Variants in CENPL observed in about 807,000 individuals in gnomAD.
CENPL encodes the protein interphase centromere complex protein 33.
CENPL carries 20 observed loss-of-function variants against 35.2 expected under a neutral mutation model. The ratio of observed to expected loss-of-function variants is 0.57; its 90% CI spans 0.40 to 0.83. The LOEUF (loss-of-function observed/expected upper bound fraction) is 0.83. CENPL is among the 40% of genes least tolerant of loss of function. The probability of loss-of-function intolerance (pLI) is 0.00; values close to 1 mark genes in which losing one functional copy is unlikely to be tolerated. For missense variants in CENPL, 363 were observed against 395.8 expected (o/e 0.92, Z 0.70); for synonymous variants, 140 against 140.6 (o/e 1.00, Z 0.03).
chr1:173,805,986 G>A (rs138181896), intron 4 of CENPL, among the ~76,000 whole-genome samples: 180 of 152,312 alleles, frequency 1.2e-3, no homozygotes, highest in African/African-American at 4.1e-3. Flanking sequence ...TAAAGGGCCA[G>A]TTAGTAAGCA....
chr1:173,823,845 C>T (rs892217918), intron 2 of CENPL, 81 bp downstream of exon 2: 2 of 152,110 alleles, frequency 1.3e-5, no homozygotes, highest in African/African-American at 4.8e-5. Flanking sequence ...CCTCAACACG[C>T]AAGTATTGTA....
rs1195069833 is a variant in CENPL at position 173,803,505 on chromosome 1, T to G, written c.421A>C (p.Ile141Leu). 2 of 1,555,046 alleles carry G rather than the reference T, an allele frequency of 1.3e-6. No individual in the cohort carries two copies. The highest frequency in any genetic ancestry group is 1.7e-6 in the Non-Finnish European group (2 of 1,149,722). The change falls in exon 5 of 6, where the codon ATT (isoleucine) becomes CTT (leucine). Residue 141 changes from isoleucine (I) to leucine (L), a missense_variant and splice_region_variant. Ile to Leu is a conservative substitution (Grantham distance 5). Transcript: ENST00000682279. ...GATGGCAATTGAGATTTTGACACAA[T>G]CTACAAAGAAAGTAAACAGGCTCCT... Reference protein sequence around the residue: ...QRDPEAFLVQIVSKSQLPSEN... With the variant: ...QRDPEAFLVQLVSKSQLPSEN...
At position 173,803,281 on chromosome 1, in the gene CENPL, T is replaced by C. The variant is rs951500727; in HGVS notation, c.645A>G (p.Ala215=). 2.5e-6 allele frequency: 4 copies of C among 1,613,568 alleles called. No individual in the cohort carries two copies. In the African/African-American group the frequency reaches 5.3e-5, roughly 21 times the overall value. The part of the protein sequence containing the change: ...DCYFSPLAIN[A]FNLSWMAAMW... The stretch of plus-strand genomic sequence containing the variant: ...TGGCAGCCATCCAGGAAAGATTAAA[T>C]GCATTGATTGCTAAAGGACTGAAAT... The change falls in exon 5 of 6, where the codon GCA becomes GCG. Residue 215 remains alanine, a synonymous_variant. Transcript: ENST00000682279.
intron 2 of CENPL, among the ~76,000 whole-genome samples, chr1:173,815,943 G>A (rs1354847524): frequency 6.6e-6 from 1 of 152,176 alleles, no homozygotes; most frequent in Non-Finnish European, 1.5e-5. Context: ...AAACCCCATT[G>A]TCTCAGCCCA....
intron 4 of CENPL, 82 bp downstream of exon 4, chr1:173,807,184 TG>T (rs1650309792): frequency 7.9e-7 from 1 of 1,268,946 alleles, no homozygotes; most frequent in African/African-American, 1.5e-5. Context: ...TTTTTTAAGT[TG>T]ATTATATCTA....
intron 2 of CENPL, among the ~76,000 whole-genome samples, chr1:173,811,967 T>C (rs985212971): frequency 1.1e-4 from 16 of 152,192 alleles, no homozygotes; most frequent in African/African-American, 3.6e-4. Flanking sequence ...CACCCAAATA[T>C]TGCACTTTTC....
intron 4 of CENPL, among the ~76,000 whole-genome samples, chr1:173,804,415 C>G (rs969283025): frequency 6.6e-6 from 1 of 152,238 alleles, no homozygotes; most frequent in African/African-American, 2.4e-5. Context: ...TCTCACTATT[C>G]TAGTCACTCT....
chr1:173,811,882 C>A (rs193056827), intron 2 of CENPL, among the ~76,000 whole-genome samples: 1 of 152,242 alleles, frequency 6.6e-6, no homozygotes, highest in Non-Finnish European at 1.5e-5. Flanking sequence ...CTGGGAAGCG[C>A]AAGGGGTCCA....
In CENPL at chr1:173,803,478, C is replaced by A; in HGVS notation, c.448G>T (p.Glu150Ter). Residue 150 changes from glutamate (E) to a stop codon, truncating the protein, a stop_gained, in exon 5 of 6, where the codon GAG becomes TAG. Coordinates refer to ENST00000682279, the MANE Select transcript of CENPL (RefSeq NM_001387287.1). LOFTEE classifies it high-confidence loss of function. ...QIVSKSQLPS[E>*]NREGKVLWTG... ...CACAGCACTTTACCTTCTCTATTCT[C>A]AGATGGCAATTGAGATTTTGACACA... 2 of 1,580,066 alleles carry A rather than the reference C, an allele frequency of 1.3e-6. No individual in the cohort carries two copies. The highest frequency in any genetic ancestry group is 1.7e-6 in the Non-Finnish European group (2 of 1,160,330).
intron 5 of CENPL, among the ~76,000 whole-genome samples, chr1:173,801,548 T>C (rs1649751499): frequency 1.4e-5 from 2 of 146,280 alleles, no homozygotes; most frequent in South Asian, 2.2e-4. Context: ...TAGCCAGGCA[T>C]GGTGGCTCAT....
chr1:173,811,715 G>C (rs1291361937), intron 2 of CENPL, among the ~76,000 whole-genome samples: 1 of 152,196 alleles, frequency 6.6e-6, no homozygotes, highest in Non-Finnish European at 1.5e-5. Context: ...GGCTGAATAG[G>C]AACAGCTCCG....
intron 4 of CENPL, among the ~76,000 whole-genome samples, chr1:173,805,688 T>G (rs1310792490): frequency 6.6e-6 from 1 of 152,154 alleles, no homozygotes; most frequent in Non-Finnish European, 1.5e-5. Flanking sequence ...TGCCTGGAAC[T>G]TGAATATAAT....
intron 2 of CENPL, chr1:173,821,678 T>A (rs1651957534): frequency 6.6e-6 from 1 of 152,052 alleles, no homozygotes; most frequent in Non-Finnish European, 1.5e-5. Context: ...AGCACAATAA[T>A]CCAGAGGTTA....
chr1:173,809,087 T>C (rs1220084442), intron 3 of CENPL, among the ~76,000 whole-genome samples: 2 of 152,140 alleles, frequency 1.3e-5, no homozygotes, highest in Non-Finnish European at 2.9e-5. Flanking sequence ...ACACCTGTAA[T>C]CCCAACACTT....
intron 5 of CENPL, among the ~76,000 whole-genome samples, chr1:173,800,908 A>G (rs1462730599): frequency 6.6e-6 from 1 of 152,144 alleles, no homozygotes; most frequent in Non-Finnish European, 1.5e-5. Flanking sequence ...AGTGAGCTAT[A>G]ATCACACTAC....
In CENPL at chr1:173,811,192, C is replaced by T. The variant is rs1293697151; in HGVS notation, c.108G>A (p.Lys36=). 1 of 1,614,102 alleles carries T rather than the reference C, an allele frequency of 6.2e-7. No individual in the cohort carries two copies. The highest frequency in any genetic ancestry group is 8.5e-7 in the Non-Finnish European group (1 of 1,179,970). The change falls in exon 3 of 6, where the codon AAG becomes AAA. Residue 36 remains lysine (K), a synonymous_variant. Coordinates refer to ENST00000682279, the MANE Select transcript of CENPL (RefSeq NM_001387287.1). The part of the protein sequence containing the change: ...PLQKRLESVR[K]QSSFILTPPR... ...GTGGAGTCAGGATAAATGAACTCTG[C>T]TTCCTGACCGATTCTAATCGTTTCT...
At chr1:173,802,902 T>A in intron 5 of CENPL, 61 bp downstream of exon 5, 1 of 1,089,136 alleles carries the variant, frequency 9.2e-7, no homozygotes, top group Non-Finnish European at 1.3e-6. Context: ...AATACAATCA[T>A]CATACATTTT....
At chr1:173,811,479 C>T (rs898034642) in intron 2 of CENPL, among the ~76,000 whole-genome samples, 173 bp from the exon 3 acceptor site, 1 of 152,210 alleles carries the variant, frequency 6.6e-6, no homozygotes, top group African/African-American at 2.4e-5. Flanking sequence ...CTATAGCCCA[C>T]TTTTATGTAT....
At chr1:173,809,217 C>T (rs1175346364) in intron 3 of CENPL, among the ~76,000 whole-genome samples, 1 of 152,058 alleles carries the variant, frequency 6.6e-6, no homozygotes, top group Non-Finnish European at 1.5e-5. Flanking sequence ...GTGGCGGGCA[C>T]CTGTAGTGCC....
Sources: allele counts gnomAD v4.1 joint callset (sites outside exome capture counted in the v4.1 genomes callset), GRCh38; gene constraint gnomAD v4.1.1; transcripts MANE v1.5; gene names NCBI Gene and HGNC (gene_info 2026-07-23, HGNC 2026-07-21).